MMP26: variants seen among roughly 807,000 people sequenced by gnomAD.
MMP26 encodes matrix metallopeptidase 26.
In MMP26, 33 loss-of-function variants were observed where a neutral mutation model predicts 31.0. That is an observed-to-expected ratio of 1.06 (90% CI 0.81 to 1.42). MMP26 has a LOEUF of 1.42. Among genes scored for constraint, MMP26 ranks in the 40% most tolerant of loss-of-function variants. MMP26 has a pLI of 0.00. For missense variants in MMP26, 347 were observed against 316.1 expected (o/e 1.10, Z -0.74); for synonymous variants, 122 against 114.9 (o/e 1.06, Z -0.40).
chr11:4,718,203 AG>A (rs1847962130), intron 1 of MMP26, among the ~76,000 whole-genome samples: 1 of 152,234 alleles, frequency 6.6e-6, no homozygotes. Flanking sequence ...GGCCTCTAAA[AG>A]CTAGCGTAAT....
chr11:4,911,593 T>A (rs1415899031), intron 2 of MMP26, among the ~76,000 whole-genome samples: 1 of 152,186 alleles, frequency 6.6e-6, no homozygotes, highest in Admixed American at 6.6e-5. Flanking sequence ...TCAGGTTCAT[T>A]TCTACTTCAG....
intron 2 of MMP26, among the ~76,000 whole-genome samples, chr11:4,782,167 A>G (rs1403188373): frequency 6.6e-6 from 1 of 152,206 alleles, no homozygotes; most frequent in Non-Finnish European, 1.5e-5. Flanking sequence ...GAACAGTTTG[A>G]GGGCTCAGAA....
At chr11:4,903,482 G>C (rs1403693301) in intron 2 of MMP26, among the ~76,000 whole-genome samples, 1 of 152,114 alleles carries the variant, frequency 6.6e-6, no homozygotes, top group African/African-American at 2.4e-5. Flanking sequence ...TTTGATTATA[G>C]ATAACATGTT....
chr11:4,729,289 A>G (rs897105120), intron 1 of MMP26, among the ~76,000 whole-genome samples: 2 of 152,148 alleles, frequency 1.3e-5, no homozygotes, highest in African/African-American at 4.8e-5. Flanking sequence ...GTGATGGAGA[A>G]TCCTGACAGC....
chr11:4,726,175 A>T (rs1409730308), intron 1 of MMP26, among the ~76,000 whole-genome samples: 2 of 152,196 alleles, frequency 1.3e-5, no homozygotes, highest in East Asian at 3.9e-4. Flanking sequence ...GACAATATCG[A>T]ATAAATAAGA....
At chr11:4,962,577 C>T (rs840707) in intron 2 of MMP26, among the ~76,000 whole-genome samples, 146,490 of 152,292 alleles carry the variant, frequency 0.96, 70,727 homozygotes, top group East Asian at 1. Context: ...CTTATTTCAA[C>T]GTGTAAGGCA....
In MMP26 at chr11:4,974,002, G is replaced by GAATT. The variant is rs1846702129; in HGVS notation, c.-144-14066_-144-14065insAATT. The GAATT allele has an allele frequency of 2.0e-5, 3 of 151,600 alleles. No individual in the cohort carries two copies. In the South Asian group the frequency reaches 6.2e-4, roughly 31 times the overall value. The allele number at this position is 151,600 out of a possible 1,614,324, so 9.4% of individuals were successfully genotyped here. ...AACTCATTGAGGTCTTACAACACCA[G>GAATT]GTATATAGACATAATTCTTAGACAC... On this transcript the variant is annotated intron_variant, in intron 2 of 7. Coordinates refer to ENST00000380390, the MANE Select transcript of MMP26 (RefSeq NM_021801.5).
intron 2 of MMP26, among the ~76,000 whole-genome samples, chr11:4,889,317 A>G (rs544238550): frequency 4.6e-5 from 7 of 152,222 alleles, no homozygotes; most frequent in African/African-American, 1.7e-4. Flanking sequence ...GAATATTTAT[A>G]ATACCAAATA....
chr11:4,802,191 G>A (rs950061090), intron 2 of MMP26, among the ~76,000 whole-genome samples: 20 of 152,076 alleles, frequency 1.3e-4, no homozygotes, highest in African/African-American at 4.8e-4. Flanking sequence ...GTCTATATTT[G>A]GGCTGGAATT....
At chr11:4,888,276 G>T (rs1268520966) in intron 2 of MMP26, among the ~76,000 whole-genome samples, 1 of 151,962 alleles carries the variant, frequency 6.6e-6, no homozygotes, top group African/African-American at 2.4e-5. Flanking sequence ...AGAAACAAAT[G>T]ATTTTTACAG....
chr11:4,746,701 G>T (rs1364817333), intron 1 of MMP26, among the ~76,000 whole-genome samples: 2 of 152,168 alleles, frequency 1.3e-5, no homozygotes, highest in East Asian at 1.9e-4. Flanking sequence ...GGGTTTGGTG[G>T]TGGGCACCTG....
rs1487187775 is a variant in MMP26, at chr11:4,781,532, C to A, written c.-145+14191C>A. Among the ~76,000 whole-genome samples the A allele has an allele frequency of 2.9e-4, 15 of 52,438 alleles. 1 individual carries two copies. The highest frequency in any genetic ancestry group is 1.2e-3 in the Admixed American group (5 of 4,244). 34.4% of individuals were successfully genotyped at this position (52,438 alleles called of 152,430 possible). ...ACTGCAGTCCGCAGTCCGGCCTGGG[C>A]GACAGAGCGAGACTCCGTCTCAAAA... On this transcript the variant is annotated intron_variant, in intron 2 of 7. Transcript: ENST00000380390.
rs1483038199 is a variant in MMP26 at position 4,949,288 on chromosome 11, AT to A, written c.-144-38775del. On this transcript the variant is annotated intron_variant, in intron 2 of 7. Transcript: ENST00000380390. ...GCAATTGTAAAAACTATTCTCAAGG[AT>A]TTTTACATTGTAATCTAGTATTAAT... Among the ~76,000 whole-genome samples, 3 of 123,564 alleles carry A rather than the reference AT, an allele frequency of 2.4e-5. 1 individual carries two copies. Among genetic ancestry groups the A allele is most frequent in the Non-Finnish European group, 5.5e-5 (3 of 54,576 alleles). 81.1% of individuals were successfully genotyped at this position (123,564 alleles called of 152,430 possible).
intron 2 of MMP26, among the ~76,000 whole-genome samples, chr11:4,842,468 G>A (rs574239329): frequency 1.3e-5 from 2 of 152,302 alleles, no homozygotes; most frequent in South Asian, 4.2e-4. Context: ...AAGGTGAAGA[G>A]GAAGCAATCA....
Position 4,821,732 on chromosome 11 carries a change from T to C in MMP26, c.-145+54391T>C, listed in dbSNP as rs1437643410. 1.2e-6 allele frequency: 2 copies of C among 1,614,058 alleles called. No individual in the cohort carries two copies. Among genetic ancestry groups the C allele is most frequent in the Admixed American group, 3.3e-5 (2 of 60,008 alleles). ...CTAAATGCCTGCATTGCCCAGATGT[T>C]CTTTCTACACGGATTTACTTTCATG... On this transcript the variant is annotated intron_variant, in intron 2 of 7. Transcript: ENST00000380390.
intron 2 of MMP26, among the ~76,000 whole-genome samples, chr11:4,861,490 T>C (rs893899894): frequency 2.0e-5 from 3 of 151,636 alleles, no homozygotes; most frequent in Non-Finnish European, 4.4e-5. Flanking sequence ...TATGTATATA[T>C]GTATATATAT....
intron 2 of MMP26, among the ~76,000 whole-genome samples, chr11:4,942,110 A>AAAAAAAAAAAAAAAAAAAAAAT: frequency 7.2e-6 from 1 of 138,594 alleles, no homozygotes; most frequent in East Asian, 2.1e-4. Flanking sequence ...AAAAAAAAAA[A>AAAAAAAAAAAAAAAAAAAAAAT]GGAAGTAAAA....
chr11:4,936,623 A>C (rs1846116448), intron 2 of MMP26, among the ~76,000 whole-genome samples: 1 of 152,168 alleles, frequency 6.6e-6, no homozygotes. Flanking sequence ...ATCTCTAGAG[A>C]GTGGGTATAA....
At chr11:4,889,829 G>A (rs1158297081) in intron 2 of MMP26, 2 of 175,122 alleles carry the variant, frequency 1.1e-5, no homozygotes, top group Non-Finnish European at 2.5e-5. Flanking sequence ...GGTGTTGAGG[G>A]CCTTGAGCCG....
Sources: allele counts gnomAD v4.1 joint callset (sites outside exome capture counted in the v4.1 genomes callset), GRCh38; gene constraint gnomAD v4.1.1; transcripts MANE v1.5; gene names NCBI Gene and HGNC (gene_info 2026-07-23, HGNC 2026-07-21).